TSNAX: variants seen among roughly 807,000 people sequenced by gnomAD.
TSNAX encodes translin associated factor X.
A neutral mutation model predicts 33.0 loss-of-function variants in TSNAX; 12 were observed. The observed-to-expected ratio is 0.36, with a 90% CI of 0.23 to 0.59. TSNAX has a LOEUF of 0.59. TSNAX is among the 20% of genes least tolerant of loss of function. TSNAX has a pLI of 0.74. For synonymous variants in TSNAX, 110 were observed against 117.2 expected (o/e 0.94, Z 0.40); for missense variants, 267 against 341.3 (o/e 0.78, Z 1.72).
intron 4 of TSNAX, among the ~76,000 whole-genome samples, chr1:231,544,937 T>C (rs200559417): frequency 5.4e-4 from 51 of 94,460 alleles, no homozygotes; most frequent in African/African-American, 1.6e-3. Context: ...AGTGGTCTCT[T>C]TTAGGCCTTC....
intron 5 of TSNAX, chr1:231,563,318 G>C (rs1343635729): frequency 6.6e-6 from 1 of 152,438 alleles, no homozygotes; most frequent in Non-Finnish European, 1.5e-5. Flanking sequence ...TTGATGTGGA[G>C]AGAGATTTCA....
At chr1:231,529,121 G>A in intron 1 of TSNAX, 134 bp from the exon 2 acceptor site, 1 of 872,014 alleles carries the variant, frequency 1.1e-6, no homozygotes, top group South Asian at 1.8e-5. Flanking sequence ...GTCTCTGTCA[G>A]TCTGCGGAGA....
chr1:231,552,861 T>TAA (rs1055870502), intron 4 of TSNAX, among the ~76,000 whole-genome samples: 2 of 152,246 alleles, frequency 1.3e-5, no homozygotes, highest in Non-Finnish European at 2.9e-5. Context: ...TATGGCCTCT[T>TAA]GCGTCTGGTT....
chr1:231,564,999 T>C lies in TSNAX; in HGVS notation c.*94T>C. The C allele has an allele frequency of 1.4e-6, 2 of 1,420,292 alleles. No individual in the cohort carries two copies. Among genetic ancestry groups the C allele is most frequent in the Non-Finnish European group, 1.9e-6 (2 of 1,056,574 alleles). The allele number at this position is 1,420,292 out of a possible 1,614,324, so 88.0% of individuals were successfully genotyped here. On this transcript the variant is annotated 3_prime_UTR_variant, in exon 6 of 6. Coordinates refer to ENST00000366639, the MANE Select transcript of TSNAX (RefSeq NM_005999.3). ...GTATTTCATTTAACTTTATTGTGGCTTTTACATAGAAACATATTCAGTTGT... is the reference window on the plus strand; with the variant it reads ...GTATTTCATTTAACTTTATTGTGGCCTTTACATAGAAACATATTCAGTTGT...
At chr1:231,560,275 G>A (rs1032111882) in intron 4 of TSNAX, among the ~76,000 whole-genome samples, 2 of 151,700 alleles carry the variant, frequency 1.3e-5, no homozygotes, top group African/African-American at 2.4e-5. Flanking sequence ...CATCGTGAAC[G>A]GCCCAAATGA....
Position 231,541,740 on chromosome 1 carries a change from C to A in TSNAX, c.237-741C>A, listed in dbSNP as rs143379619. On this transcript the variant is annotated intron_variant, in intron 3 of 5. Transcript: ENST00000366639. Reference sequence around the variant, plus strand: ...TCAATCTGCTGATGATAAATCAATTCTTTCCGGCTCTGTGAACTAAGGGGA... The same window carrying A: ...TCAATCTGCTGATGATAAATCAATTATTTCCGGCTCTGTGAACTAAGGGGA... 4.6e-5 allele frequency among the ~76,000 whole-genome samples: 7 copies of A among 152,228 alleles called. No individual in the cohort carries two copies. In the East Asian group the frequency reaches 1.4e-3, roughly 29 times the overall value.
chr1:231,538,465 CTTCTTTGT>C (rs1659338134), intron 3 of TSNAX, among the ~76,000 whole-genome samples: 1 of 152,182 alleles, frequency 6.6e-6, no homozygotes, highest in African/African-American at 2.4e-5. Context: ...TCCATCTTTG[CTTCTTTGT>C]TTGCTTCATA....
intron 2 of TSNAX, 174 bp from the exon 3 acceptor site, chr1:231,537,039 G>T: frequency 2.2e-6 from 1 of 448,560 alleles, no homozygotes; most frequent in South Asian, 3.4e-5. Flanking sequence ...CACCGTCTAG[G>T]CCAGGATGGT....
Position 231,534,198 on chromosome 1 carries a change from A to G in TSNAX, c.122-3015A>G, listed in dbSNP as rs138547508. The G allele has an allele frequency of 2.7e-4, 41 of 152,332 alleles. 1 individual carries two copies. The highest frequency in any genetic ancestry group is 8.7e-4 in the African/African-American group (36 of 41,580). 9.4% of individuals were successfully genotyped at this position (152,332 alleles called of 1,614,324 possible). On this transcript the variant is annotated intron_variant, in intron 2 of 5. Coordinates refer to ENST00000366639, the MANE Select transcript of TSNAX (RefSeq NM_005999.3). ...CAGGTTATGCATCCCTGGCTGGAAT[A>G]CTACATAAATGATGGTTTGTTGATT... is the stretch of plus-strand genomic sequence containing the variant.
At chr1:231,553,126 C>T (rs375143247) in intron 4 of TSNAX, among the ~76,000 whole-genome samples, 13 of 152,090 alleles carry the variant, frequency 8.5e-5, no homozygotes, top group East Asian at 5.8e-4. Context: ...GCGGAATTAC[C>T]GAATCATATG....
At chr1:231,560,141 G>A (rs1010452275) in intron 4 of TSNAX, among the ~76,000 whole-genome samples, 1 of 151,054 alleles carries the variant, frequency 6.6e-6, no homozygotes, top group Non-Finnish European at 1.5e-5. Flanking sequence ...CACCACGCCC[G>A]GCTAAGTTTT....
chr1:231,534,570 A>G (rs1486167961), intron 2 of TSNAX: 3 of 152,242 alleles, frequency 2.0e-5, no homozygotes, highest in East Asian at 1.9e-4. Flanking sequence ...CTTTATTCCA[A>G]CTGCATTAGC....
At position 231,566,006 on chromosome 1, in the gene TSNAX, ATTTTTG is replaced by A. The variant is rs1558142287; in HGVS notation, c.*1110_*1115del. On this transcript the variant is annotated 3_prime_UTR_variant, in exon 6 of 6. Transcript: ENST00000366639. The stretch of plus-strand genomic sequence containing the variant: ...TGCTTTTAGTAGTGATTATTTAGCA[ATTTTTG>A]TTTTTGTTATATTAGGCATGTTTGG... The A allele has an allele frequency of 6.6e-6, 1 of 152,038 alleles. No homozygotes were observed. The highest frequency in any genetic ancestry group is 1.9e-4 in the East Asian group (1 of 5,186). 9.4% of individuals were successfully genotyped at this position (152,038 alleles called of 1,614,324 possible). A position where few individuals can be genotyped will look rare whatever the true frequency, so the allele number is the denominator to read the frequency against.
intron 4 of TSNAX, among the ~76,000 whole-genome samples, chr1:231,553,266 G>A (rs1173040856): frequency 6.6e-6 from 1 of 152,150 alleles, no homozygotes; most frequent in African/African-American, 2.4e-5. Flanking sequence ...ATTTGGACTG[G>A]ATGTATATTG....
At chr1:231,529,007 T>A (rs1621135) in intron 1 of TSNAX, among the ~76,000 whole-genome samples, 181 bp downstream of exon 1, 27,099 of 152,084 alleles carry the variant, frequency 0.18, 2,998 homozygotes, top group East Asian at 0.49. Flanking sequence ...TTTTCTTAAA[T>A]TTTTGAGGTG....
At position 231,537,257 on chromosome 1, in the gene TSNAX, C is replaced by T. The variant is rs766607406; in HGVS notation, c.166C>T (p.Leu56Phe). The change falls in exon 3 of 6, where the codon CTT becomes TTT. Residue 56 changes from leucine to phenylalanine, a missense_variant. Coordinates refer to ENST00000366639, the MANE Select transcript of TSNAX (RefSeq NM_005999.3). ...TGCAAGGCATGACAAATATGAGAGA[C>T]TTGTGAAACTTAGTCGGGATATAAC... ...LDARHDKYER[L>F]VKLSRDITVE... The T allele has an allele frequency of 1.2e-6, 2 of 1,613,462 alleles. No individual in the cohort carries two copies. Among genetic ancestry groups the T allele is most frequent in the South Asian group, 1.1e-5 (1 of 91,010 alleles).
At chr1:231,555,161 G>A (rs999217157) in intron 4 of TSNAX, among the ~76,000 whole-genome samples, 1 of 152,172 alleles carries the variant, frequency 6.6e-6, no homozygotes, top group Non-Finnish European at 1.5e-5. Context: ...TGACTCAGTT[G>A]TCTCTCTATA....
intron 2 of TSNAX, chr1:231,536,652 A>T (rs1282459118): frequency 6.6e-6 from 1 of 152,200 alleles, no homozygotes; most frequent in Non-Finnish European, 1.5e-5. Flanking sequence ...GAGCTACTTT[A>T]GCGCTGTTAG....
intron 4 of TSNAX, among the ~76,000 whole-genome samples, chr1:231,553,205 A>G (rs1273795191): frequency 6.6e-6 from 1 of 152,224 alleles, no homozygotes; most frequent in African/African-American, 2.4e-5. Context: ...TCAAATTTAT[A>G]ATGAAACCTT....
Sources: gnomAD v4.1 joint callset for allele counts (sites outside exome capture counted in the v4.1 genomes callset) on GRCh38, gnomAD v4.1.1 for gene constraint, MANE v1.5 for transcripts, NCBI Gene and HGNC (gene_info 2026-07-23, HGNC 2026-07-21) for gene names.